Variants in GALK2 observed in about 807,000 individuals in gnomAD.
GALK2 encodes the protein galactokinase 2.
Under a neutral mutation model 52.4 loss-of-function variants are expected in GALK2, and 36 were observed. The ratio of observed to expected loss-of-function variants is 0.69; its 90% confidence interval spans 0.53 to 0.91. The LOEUF is 0.91. GALK2 is among the 40% of genes least tolerant of loss of function. GALK2 has a pLI of 0.00. For missense variants in GALK2, 579 were observed against 559.1 expected (o/e 1.04, Z -0.36); for synonymous variants, 176 against 199.1 (o/e 0.88, Z 0.98).
chr15:49,250,714 A>G (rs958194410), intron 5 of GALK2, among the ~76,000 whole-genome samples: 9 of 152,220 alleles, frequency 5.9e-5, no homozygotes, highest in Admixed American at 2.6e-4. Flanking sequence ...GATGAGGTCC[A>G]GCCCTAACAT....
intron 5 of GALK2, among the ~76,000 whole-genome samples, chr15:49,247,852 T>G (rs2091426272): frequency 6.6e-6 from 1 of 152,234 alleles, no homozygotes; most frequent in Non-Finnish European, 1.5e-5. Flanking sequence ...ACAGGGATGC[T>G]TTCTAGTTGC....
chr15:49,339,037 T>C (rs907914900), intron 3 of GALK2, among the ~76,000 whole-genome samples: 8 of 152,210 alleles, frequency 5.3e-5, no homozygotes, highest in African/African-American at 1.9e-4. Context: ...TCTAACCTTT[T>C]TTCAAGGTTC....
At chr15:49,173,314 C>T (rs2085225219) in intron 1 of GALK2, among the ~76,000 whole-genome samples, 1 of 152,158 alleles carries the variant, frequency 6.6e-6, no homozygotes, top group African/African-American at 2.4e-5. Flanking sequence ...ATACATTCAA[C>T]AATTGATGGA....
At chr15:49,155,875 G>C (rs2084431317) in exon 1 of GALK2, 1 of 1,141,402 alleles carries the variant, frequency 8.8e-7, no homozygotes, top group Non-Finnish European at 1.3e-6. Context: ...GCATCGAGCA[G>C]TTTCCAGCCT....
intron 3 of GALK2, among the ~76,000 whole-genome samples, chr15:49,355,042 A>G (rs889276165): frequency 6.6e-6 from 1 of 151,202 alleles, no homozygotes; most frequent in Non-Finnish European, 1.5e-5. Context: ...CTCTGTTAGA[A>G]GGAAAACTAA....
rs144245316 is a variant in GALK2 at position 49,160,001 on chromosome 15, C to T, written c.20+3985C>T. ...TAAGATTAATAATACTGGCCAGGCA[C>T]GGTGGCTCGTGCTTGTAAACCCAGC... is the stretch of plus-strand genomic sequence containing the variant. On this transcript the variant is annotated intron_variant, in intron 1 of 9. Transcript: ENST00000327171. Among the ~76,000 whole-genome samples the T allele has an allele frequency of 5.9e-5, 9 of 152,116 alleles. No homozygotes were observed. The South Asian group carries it at 8.3e-4, about 14-fold the overall frequency.
At chr15:49,157,710 C>T (rs1373142080) in intron 1 of GALK2, among the ~76,000 whole-genome samples, 1 of 152,040 alleles carries the variant, frequency 6.6e-6, no homozygotes, top group African/African-American at 2.4e-5. Flanking sequence ...GAAAAAATAG[C>T]AAGTAGAAGC....
At chr15:49,349,556 T>C (rs550600367) in intron 3 of GALK2, among the ~76,000 whole-genome samples, 13 of 152,330 alleles carry the variant, frequency 8.5e-5, no homozygotes, top group South Asian at 6.2e-4. Context: ...AAATCTGAAA[T>C]TGGTTCCTTT....
At chr15:49,263,478 G>T in intron 5 of GALK2, among the ~76,000 whole-genome samples, 1 of 101,592 alleles carries the variant, frequency 9.8e-6, no homozygotes. Flanking sequence ...CACATGAGAT[G>T]GGTTTCCTGA....
In GALK2 at chr15:49,331,814, A is replaced by C. The variant is rs1201626805; in HGVS notation, c.*3655A>C. On this transcript the variant is annotated 3_prime_UTR_variant, in exon 10 of 10. Transcript: ENST00000560031. ...TAGGAACTTCTCAAAGTCCTGTTTC[A>C]CTTCATGAGGTTTCTTGGTAGCCTT... 6.2e-7 allele frequency: 1 copy of C among 1,611,746 alleles called. No individual in the cohort carries two copies. The highest frequency in any genetic ancestry group is 1.1e-5 in the South Asian group (1 of 91,032).
At chr15:49,268,280 C>G (rs1290883871) in intron 5 of GALK2, among the ~76,000 whole-genome samples, 2 of 152,134 alleles carry the variant, frequency 1.3e-5, no homozygotes, top group East Asian at 3.9e-4. Flanking sequence ...TGAGAGAGAA[C>G]AGGGAGAACC....
intron 2 of GALK2, among the ~76,000 whole-genome samples, chr15:49,213,185 A>G (rs993325686): frequency 2.0e-5 from 3 of 152,214 alleles, no homozygotes; most frequent in African/African-American, 7.2e-5. Context: ...CATTGGGTGC[A>G]CATATATTTA....
chr15:49,306,813 G>A (rs2035583098), intron 8 of GALK2, among the ~76,000 whole-genome samples: 2 of 152,168 alleles, frequency 1.3e-5, no homozygotes, highest in South Asian at 4.1e-4. Context: ...AAATTAATGG[G>A]AAAGTAATTC....
chr15:49,156,375 C>G, intron 1 of GALK2: 1 of 408,518 alleles, frequency 2.4e-6, no homozygotes. Flanking sequence ...GAGAACCGAG[C>G]GGAAAGGGAA....
At chr15:49,217,402 G>T in intron 3 of GALK2, 89 bp downstream of exon 3, 10 of 1,230,970 alleles carry the variant, frequency 8.1e-6, no homozygotes, top group South Asian at 1.9e-5. Context: ...TTTGTAACAG[G>T]TCATTTAACT....
chr15:49,350,029 C>T (rs1371488662), intron 3 of GALK2, among the ~76,000 whole-genome samples: 1 of 152,146 alleles, frequency 6.6e-6, no homozygotes, highest in African/African-American at 2.4e-5. Flanking sequence ...AGCCCCTAAA[C>T]TTCTAAAATT....
chr15:49,178,519 TG>T, intron 1 of GALK2: 1 of 281,892 alleles, frequency 3.5e-6, no homozygotes, highest in South Asian at 4.3e-5. Flanking sequence ...CCTTAGGAAC[TG>T]GGCATTTTCG....
At chr15:49,165,801 T>C (rs973223321), upstream of GALK2, among the ~76,000 whole-genome samples, 6 of 82,178 alleles carry the variant, frequency 7.3e-5, no homozygotes, top group Admixed American at 2.2e-4. Flanking sequence ...AATGTATTTC[T>C]TTTTTTTTTT....
intron 5 of GALK2, among the ~76,000 whole-genome samples, chr15:49,280,437 G>C (rs977473070): frequency 1.3e-5 from 2 of 152,134 alleles, no homozygotes. Context: ...AAGAGCCTGC[G>C]GTAGTAAAGA....
Sources: gnomAD v4.1 joint callset for allele counts (sites outside exome capture counted in the v4.1 genomes callset) on GRCh38, gnomAD v4.1.1 for gene constraint, MANE v1.5 for transcripts, NCBI Gene and HGNC (gene_info 2026-07-23, HGNC 2026-07-21) for gene names.